Variants in PGLYRP4 observed in about 807,000 individuals in gnomAD.
PGLYRP4 encodes peptidoglycan recognition protein 4, also known as PGRP-I-beta.
Under a neutral mutation model 41.2 loss-of-function variants are expected in PGLYRP4, and 39 were observed. That is an observed-to-expected ratio of 0.95 (90% confidence interval 0.73 to 1.24). The LOEUF (loss-of-function observed/expected upper bound fraction) is 1.24, where lower values mean the gene tolerates loss of function less well. Ranked by LOEUF, PGLYRP4 falls within the 50% of genes most tolerant of loss-of-function variation. The probability of loss-of-function intolerance (pLI) is 0.00; values close to 1 mark genes in which losing one functional copy is unlikely to be tolerated. For missense variants in PGLYRP4, 467 were observed against 460.7 expected, an observed-to-expected ratio of 1.01 and a Z score of -0.13; for synonymous variants, 202 against 186.8, an observed-to-expected ratio of 1.08 and a Z score of -0.66.
chr1:153,332,907 T>C (rs1416316372), intron 8 of PGLYRP4, among the ~76,000 whole-genome samples: 1 of 151,928 alleles, frequency 6.6e-6, no homozygotes, highest in Non-Finnish European at 1.5e-5. Flanking sequence ...TGTTACAGCA[T>C]CAAATGCCTC....
In PGLYRP4 at chr1:153,340,413, T is replaced by G. The variant is rs560125948; in HGVS notation, c.792A>C (p.Ile264=). The change falls in exon 7 of 9, where the codon ATA becomes ATC. Residue 264 remains isoleucine, a synonymous_variant. Coordinates refer to ENST00000359650, the MANE Select transcript of PGLYRP4 (RefSeq NM_020393.4). The part of the protein sequence containing the change: ...LLVRDIQSFY[I]DRLKSCDIGY... ...CAATGTCGCATGACTTGAGCCTGTC[T>G]ATGTAGAAAGACTGGATGTCCCGGA... 2 of 1,614,166 alleles carry G rather than the reference T, an allele frequency of 1.2e-6. No individual in the cohort carries two copies. The highest frequency in any genetic ancestry group is 2.2e-5 in the East Asian group (1 of 44,890).
At position 153,345,171 on chromosome 1, in the gene PGLYRP4, G is replaced by A. The variant is rs373995322; in HGVS notation, c.351C>T (p.Tyr117=). The A allele has an allele frequency of 6.8e-4, 1,087 of 1,606,308 alleles. 1 individual carries two copies. Among genetic ancestry groups the A allele is most frequent in the Non-Finnish European group, 8.8e-4 (1,036 of 1,176,392 alleles). Residue 117 remains tyrosine, a splice_region_variant and synonymous_variant, in exon 4 of 9, where the codon TAC becomes TAT. Transcript: ENST00000359650. ...TGGGACCCAGACCCAGCTCTTACTTGTAGGCCACATCACACCCACTGTTGT... is the reference window on the plus strand; with the variant it reads ...TGGGACCCAGACCCAGCTCTTACTTATAGGCCACATCACACCCACTGTTGT... The part of the protein sequence containing the change: ...VHNNSGCDVA[Y]NFLVGDDGRV...
chr1:153,347,165 C>T lies in PGLYRP4; in HGVS notation c.49+719G>A, dbSNP rs1661045843. On this transcript the variant is annotated intron_variant, in intron 2 of 8. Transcript: ENST00000359650. ...CTCGGCTCACTACAACCTCTGCCTC[C>T]CGGGTTCAAGCAGTTCTCTCATGCC... Among the ~76,000 whole-genome samples, 4 of 152,050 alleles carry T rather than the reference C, an allele frequency of 2.6e-5. No individual in the cohort carries two copies. The South Asian group carries it at 8.3e-4, about 32-fold the overall frequency.
chr1:153,345,988 C>T, intron 3 of PGLYRP4, 114 bp downstream of exon 3: 1 of 788,408 alleles, frequency 1.3e-6, no homozygotes, highest in East Asian at 2.4e-5. Flanking sequence ...TGCACTTCAA[C>T]CCCATTTTCC....
At chr1:153,337,107 G>T in intron 8 of PGLYRP4, 74 bp downstream of exon 8, 1 of 1,095,912 alleles carries the variant, frequency 9.1e-7, no homozygotes, top group Non-Finnish European at 1.4e-6. Flanking sequence ...TTGAGACTGA[G>T]ACTTTGTCTT....
At chr1:153,346,236 G>T in intron 2 of PGLYRP4, 45 bp from the exon 3 acceptor site, 2 of 1,422,288 alleles carry the variant, frequency 1.4e-6, no homozygotes, top group Non-Finnish European at 2.0e-6. Context: ...ACCAATACCA[G>T]CCATCATGGT....
intron 8 of PGLYRP4, among the ~76,000 whole-genome samples, chr1:153,336,641 A>G (rs1660578598): frequency 6.6e-6 from 1 of 152,124 alleles, no homozygotes; most frequent in Non-Finnish European, 1.5e-5. Context: ...CATGTACACT[A>G]CTCAGGTGAT....
intron 8 of PGLYRP4, among the ~76,000 whole-genome samples, chr1:153,333,471 T>C (rs1336196518): frequency 6.6e-6 from 1 of 152,044 alleles, no homozygotes; most frequent in Non-Finnish European, 1.5e-5. Flanking sequence ...ACCAGATGGA[T>C]TCACAGCCGA....
At chr1:153,337,063 G>T in intron 8 of PGLYRP4, 118 bp downstream of exon 8, 1 of 822,162 alleles carries the variant, frequency 1.2e-6, no homozygotes, top group South Asian at 1.4e-5. Context: ...TGGAAGCTGG[G>T]TCAATCAAGC....
chr1:153,345,346 T>G lies in PGLYRP4; in HGVS notation c.176A>C (p.Lys59Thr), dbSNP rs769662854. ...PTDVSTTVSRKAWGAEAVGCS... is the reference protein window; with the variant it reads ...PTDVSTTVSRTAWGAEAVGCS... Reference sequence around the variant, plus strand: ...GCCAACAGCTTCTGCCCCCCATGCCTTGCGAGAGACCGTGGTGGAGACATC... The same window carrying G: ...GCCAACAGCTTCTGCCCCCCATGCCGTGCGAGAGACCGTGGTGGAGACATC... The change falls in exon 4 of 9, where the codon AAG becomes ACG. Residue 59 changes from lysine (K) to threonine (T), a missense_variant. Coordinates refer to ENST00000359650, the MANE Select transcript of PGLYRP4 (RefSeq NM_020393.4). 1.2e-6 allele frequency: 2 copies of G among 1,614,148 alleles called. No homozygotes were observed. The highest frequency in any genetic ancestry group is 3.3e-5 in the Admixed American group (2 of 60,018).
In PGLYRP4 at chr1:153,345,265, C is replaced by T; in HGVS notation, c.257G>A (p.Gly86Glu). The part of the protein sequence containing the change: ...VNVLVIHHVP[G>E]LECHDQTVCS... ...GACTGTCTGGTCGTGACACTCCAGT[C>T]CAGGGACATGGTGTATAACAAGGAC... The change falls in exon 4 of 9, where the codon GGA becomes GAA. Residue 86 changes from glycine (G) to glutamate (E), a missense_variant. By Grantham distance (98) the Gly-to-Glu change is moderately conservative. Coordinates refer to ENST00000359650, the MANE Select transcript of PGLYRP4 (RefSeq NM_020393.4). 6.2e-7 allele frequency: 1 copy of T among 1,614,130 alleles called. No individual in the cohort carries two copies. The highest frequency in any genetic ancestry group is 8.5e-7 in the Non-Finnish European group (1 of 1,180,010).
chr1:153,330,928 C>T lies in PGLYRP4; in HGVS notation c.961G>A (p.Ala321Thr). The T allele has an allele frequency of 6.2e-7, 1 of 1,613,612 alleles. No individual in the cohort carries two copies. Among genetic ancestry groups the T allele is most frequent in the Non-Finnish European group, 8.5e-7 (1 of 1,179,674 alleles). ...GTFTGIPPNA[A>T]ALEAAQDLIQ... ...AGGTCTTGGGCTGCCTCTAGTGCTGCAGCATTGGGTGGTATACCTGCAAAA... is the reference window on the plus strand; with the variant it reads ...AGGTCTTGGGCTGCCTCTAGTGCTGTAGCATTGGGTGGTATACCTGCAAAA... The change falls in exon 9 of 9, where the codon GCA becomes ACA. Residue 321 changes from alanine (A) to threonine (T), a missense_variant. Coordinates refer to ENST00000359650, the MANE Select transcript of PGLYRP4 (RefSeq NM_020393.4).
chr1:153,343,956 C>T (rs1024948485), intron 4 of PGLYRP4, among the ~76,000 whole-genome samples: 9 of 152,194 alleles, frequency 5.9e-5, no homozygotes, highest in African/African-American at 2.2e-4. Flanking sequence ...TAAGCACATT[C>T]CTTTCCCTTC....
At position 153,347,689 on chromosome 1, in the gene PGLYRP4, T is replaced by G. The variant is rs554055963; in HGVS notation, c.49+195A>C. Among the ~76,000 whole-genome samples the G allele has an allele frequency of 8.0e-4, 121 of 151,820 alleles. No homozygotes were observed. In the South Asian group the frequency reaches 0.01, roughly 13 times the overall value. On this transcript the variant is annotated intron_variant, in intron 2 of 8. Coordinates refer to ENST00000359650, the MANE Select transcript of PGLYRP4 (RefSeq NM_020393.4). The stretch of plus-strand genomic sequence containing the variant: ...CCCTGGCCAAGAGAGAGTAGTTTTT[T>G]TTGTTGTTGTTTGTTTGTTTTTGAG...
At chr1:153,347,557 A>G (rs889657856) in intron 2 of PGLYRP4, among the ~76,000 whole-genome samples, 1 of 148,234 alleles carries the variant, frequency 6.7e-6, no homozygotes, top group Non-Finnish European at 1.5e-5. Context: ...TATTTTTAGT[A>G]GAGACGTGGT....
Position 153,345,244 on chromosome 1 carries a change from G to C in PGLYRP4, c.278C>G (p.Thr93Arg). The C allele has an allele frequency of 2.5e-6, 4 of 1,614,154 alleles. No individual in the cohort carries two copies. Among genetic ancestry groups the C allele is most frequent in the Non-Finnish European group, 2.5e-6 (3 of 1,180,030 alleles). The change falls in exon 4 of 9, where the codon ACA becomes AGA. Residue 93 changes from threonine to arginine, a missense_variant. By Grantham distance (71) the Thr-to-Arg change is moderately conservative. Coordinates refer to ENST00000359650, the MANE Select transcript of PGLYRP4 (RefSeq NM_020393.4). ...TTCCCGCAGTCTCTGGCTGCAGACT[G>C]TCTGGTCGTGACACTCCAGTCCAGG... ...HVPGLECHDQ[T>R]VCSQRLRELQ...
At chr1:153,347,497 C>T (rs1474704444) in intron 2 of PGLYRP4, among the ~76,000 whole-genome samples, 3 of 152,012 alleles carry the variant, frequency 2.0e-5, no homozygotes, top group African/African-American at 7.3e-5. Flanking sequence ...AGCCTCCCTC[C>T]TGAGTAGCTG....
chr1:153,335,723 A>AAATAAATAAATAAATG lies in PGLYRP4; in HGVS notation c.943+1457_943+1458insCATTTATTTATTTATT, dbSNP rs1311568568. Among the ~76,000 whole-genome samples the AAATAAATAAATAAATG allele has an allele frequency of 2.9e-3, 247 of 84,560 alleles. 1 individual carries two copies. The highest frequency in any genetic ancestry group is 7.6e-3 in the African/African-American group (182 of 23,888). The allele number at this position is 84,560 out of a possible 152,430, so 55.5% of individuals were successfully genotyped here. A position where few individuals can be genotyped will look rare whatever the true frequency, so the allele number is the denominator to read the frequency against. ...CTGGCGACAGAGCAAGACTCTGTCTAAATAAATAAATAAATAAATAAATAA... is the reference window on the plus strand; with the variant it reads ...CTGGCGACAGAGCAAGACTCTGTCTAAATAAATAAATAAATGAATAAATAAATAAATAAATAAATAA... On this transcript the variant is annotated intron_variant, in intron 8 of 8. Coordinates refer to ENST00000359650, the MANE Select transcript of PGLYRP4 (RefSeq NM_020393.4).
In PGLYRP4 at chr1:153,347,997, G is replaced by C; in HGVS notation, c.-46-19C>G. 1 of 1,311,316 alleles carries C rather than the reference G, an allele frequency of 7.6e-7. No individual in the cohort carries two copies. The highest frequency in any genetic ancestry group is 1.1e-6 in the Non-Finnish European group (1 of 915,430). 81.2% of individuals were successfully genotyped at this position (1,311,316 alleles called of 1,614,324 possible). On this transcript the variant is annotated intron_variant, in intron 1 of 8. Transcript: ENST00000359650. The stretch of plus-strand genomic sequence containing the variant: ...TGGCAGCCTGAGAGAGACGCTGACA[G>C]TTGTTAACATGACCATTCTCAATCT...
Sources: allele counts gnomAD v4.1 joint callset (sites outside exome capture counted in the v4.1 genomes callset), GRCh38; gene constraint gnomAD v4.1.1; transcripts MANE v1.5; gene names NCBI Gene and HGNC (gene_info 2026-07-23, HGNC 2026-07-21).